The following CTNND2 variants were observed in gnomAD, a reference collection of about 807,000 sequenced individuals.
CTNND2 encodes catenin delta-2.
In CTNND2, 22 loss-of-function variants were observed where a neutral mutation model predicts 144.4. The observed-to-expected ratio is 0.15, with a 90% CI of 0.11 to 0.22. The LOEUF (loss-of-function observed/expected upper bound fraction) is 0.22, where lower values mean the gene tolerates loss of function less well. Ranked by LOEUF, CTNND2 falls within the 10% of genes least tolerant of loss-of-function variation. The pLI is 1.00. For missense variants in CTNND2, 1,353 were observed against 1,618.8 expected (o/e 0.84, Z 2.82); for synonymous variants, 751 against 695.6 (o/e 1.08, Z -1.25).
In CTNND2 at chr5:11,696,568, A is replaced by C. The variant is rs565398823; in HGVS notation, c.174+35568T>G. Among the ~76,000 whole-genome samples, 7 of 152,330 alleles carry C rather than the reference A, an allele frequency of 4.6e-5. No individual in the cohort carries two copies. The East Asian group carries it at 1.2e-3, about 25-fold the overall frequency. On this transcript the variant is annotated intron_variant, in intron 2 of 21. Transcript: ENST00000304623. ...ATCTGATCAACAGCAGATATTTTTA[A>C]TAATTTGCATTAGAATGAGTTTCCA...
intron 2 of CTNND2, among the ~76,000 whole-genome samples, chr5:11,611,899 A>G (rs1780347937): frequency 6.6e-6 from 1 of 152,216 alleles, no homozygotes; most frequent in Non-Finnish European, 1.5e-5. Flanking sequence ...TGTCTCTCTG[A>G]CAACCAGCTC....
intron 3 of CTNND2, among the ~76,000 whole-genome samples, chr5:11,516,009 G>A (rs62337558): frequency 0.056 from 8,444 of 152,102 alleles, 265 homozygotes; most frequent in South Asian, 0.11. Flanking sequence ...GGGAGGCTGC[G>A]TTGGGGGAGA....
chr5:11,754,614 C>T (rs1033359164), intron 1 of CTNND2, among the ~76,000 whole-genome samples: 1 of 151,726 alleles, frequency 6.6e-6, no homozygotes, highest in Admixed American at 6.6e-5. Flanking sequence ...TCTCTAAGAA[C>T]TTGTTTTATG....
At position 11,088,512 on chromosome 5, in the gene CTNND2, T is replaced by C. The variant is rs538682112; in HGVS notation, c.2638-5666A>G. Among the ~76,000 whole-genome samples the C allele has an allele frequency of 3.3e-5, 5 of 152,352 alleles. No homozygotes were observed. The South Asian group carries it at 8.3e-4, about 25-fold the overall frequency. On this transcript the variant is annotated intron_variant, in intron 15 of 21. Coordinates refer to ENST00000304623, the MANE Select transcript of CTNND2 (RefSeq NM_001332.4). The stretch of plus-strand genomic sequence containing the variant: ...GAAAACTTTTCATCTACATATTTTT[T>C]TTTCTCTTTAAACATAGTGCCTCAT...
At chr5:11,684,519 C>T (rs529605431) in intron 2 of CTNND2, among the ~76,000 whole-genome samples, 4 of 152,298 alleles carry the variant, frequency 2.6e-5, no homozygotes, top group African/African-American at 7.2e-5. Flanking sequence ...ATTCAATACA[C>T]TTTATTTTAA....
intron 16 of CTNND2, among the ~76,000 whole-genome samples, chr5:11,025,214 ATAT>A (rs750821785): frequency 6.6e-6 from 1 of 152,242 alleles, no homozygotes; most frequent in Non-Finnish European, 1.5e-5. Context: ...AAATCAGGTA[ATAT>A]TATTCCACGG....
intron 1 of CTNND2, among the ~76,000 whole-genome samples, chr5:11,818,333 A>T (rs1793126736): frequency 6.6e-6 from 1 of 151,262 alleles, no homozygotes; most frequent in Non-Finnish European, 1.5e-5. Flanking sequence ...TGACTGGAGG[A>T]TTTCCTTTGA....
chr5:11,629,999 C>T (rs1781338045), intron 2 of CTNND2, among the ~76,000 whole-genome samples: 1 of 152,116 alleles, frequency 6.6e-6, no homozygotes, highest in Admixed American at 6.5e-5. Context: ...GTAATAAACT[C>T]TAGCATATTT....
chr5:11,170,325 A>G (rs1432763016), intron 11 of CTNND2, among the ~76,000 whole-genome samples: 3 of 152,206 alleles, frequency 2.0e-5, no homozygotes, highest in Non-Finnish European at 4.4e-5. Flanking sequence ...CAGGTAATGT[A>G]GCTTGAGAAA....
intron 3 of CTNND2, among the ~76,000 whole-genome samples, chr5:11,561,429 C>T (rs559620687): frequency 2.0e-5 from 3 of 152,314 alleles, no homozygotes; most frequent in South Asian, 4.1e-4. Context: ...GCACCAATAA[C>T]TTCTTTCCAG....
chr5:11,827,059 A>G (rs1793641976), intron 1 of CTNND2, among the ~76,000 whole-genome samples: 1 of 152,146 alleles, frequency 6.6e-6, no homozygotes, highest in Non-Finnish European at 1.5e-5. Flanking sequence ...TGATAAAGAT[A>G]GATCATATTC....
chr5:11,288,942 T>C (rs980393965), intron 9 of CTNND2, among the ~76,000 whole-genome samples: 1 of 152,112 alleles, frequency 6.6e-6, no homozygotes, highest in African/African-American at 2.4e-5. Flanking sequence ...CTTCAAATGC[T>C]GTCAAATGTG....
At chr5:11,154,004 C>T (rs760569623) in intron 12 of CTNND2, among the ~76,000 whole-genome samples, 5 of 152,174 alleles carry the variant, frequency 3.3e-5, no homozygotes, top group Non-Finnish European at 7.3e-5. Context: ...ATAGTTCACC[C>T]TGAAATGATG....
At chr5:11,747,612 G>A (rs1234170713) in intron 1 of CTNND2, among the ~76,000 whole-genome samples, 1 of 152,098 alleles carries the variant, frequency 6.6e-6, no homozygotes, top group Non-Finnish European at 1.5e-5. Flanking sequence ...AATACAATCT[G>A]TCTTCCTAAA....
chr5:11,449,671 T>C (rs1765131549), intron 3 of CTNND2, among the ~76,000 whole-genome samples: 1 of 152,252 alleles, frequency 6.6e-6, no homozygotes, highest in Admixed American at 6.5e-5. Flanking sequence ...TCTCTGTTAC[T>C]TGAAGATGAA....
chr5:11,735,688 T>C (rs975423892), intron 1 of CTNND2, among the ~76,000 whole-genome samples: 2 of 152,308 alleles, frequency 1.3e-5, no homozygotes, highest in East Asian at 3.9e-4. Flanking sequence ...TGAGATCTGA[T>C]GGTTTTAGGA....
intron 1 of CTNND2, among the ~76,000 whole-genome samples, chr5:11,763,513 A>G (rs1385221551): frequency 6.6e-6 from 1 of 152,148 alleles, no homozygotes; most frequent in Non-Finnish European, 1.5e-5. Context: ...GCTTCAATTG[A>G]CCAGAGAAAC....
At chr5:11,454,595 T>C (rs760349924) in intron 3 of CTNND2, among the ~76,000 whole-genome samples, 8 of 142,386 alleles carry the variant, frequency 5.6e-5, no homozygotes, top group African/African-American at 1.2e-4. Context: ...AGAAAGTTTT[T>C]TTTCCTTTTT....
chr5:11,615,809 A>G (rs1780551900), intron 2 of CTNND2, among the ~76,000 whole-genome samples: 1 of 152,162 alleles, frequency 6.6e-6, no homozygotes, highest in African/African-American at 2.4e-5. Context: ...TATGTAGTGG[A>G]CCATCAGAAG....
Sources: allele counts gnomAD v4.1 joint callset (sites outside exome capture counted in the v4.1 genomes callset), GRCh38; gene constraint gnomAD v4.1.1; transcripts MANE v1.5; gene names NCBI Gene and HGNC (gene_info 2026-07-23, HGNC 2026-07-21).